Variants in VRK1 observed in about 807,000 individuals in gnomAD.
VRK1 encodes the protein serine/threonine-protein kinase VRK1.
VRK1 carries 33 observed loss-of-function variants against 57.1 expected under a neutral mutation model. That is an observed-to-expected ratio of 0.58 (90% CI 0.44 to 0.77). VRK1 has a LOEUF of 0.77. VRK1 is among the 30% of genes least tolerant of loss of function. The probability of loss-of-function intolerance (pLI) is 0.00; values close to 1 mark genes in which losing one functional copy is unlikely to be tolerated. For missense variants in VRK1, 413 were observed against 477.3 expected (o/e 0.87, Z 1.25); for synonymous variants, 137 against 147.8 (o/e 0.93, Z 0.53).
intron 12 of VRK1, chr14:96,877,309 A>G (rs1273879749): frequency 1.2e-5 from 4 of 326,472 alleles, no homozygotes; most frequent in Non-Finnish European, 2.4e-5. Flanking sequence ...TTCATTACAT[A>G]TTATGGTTAG....
chr14:96,812,563 G>A (rs752221063), intron 1 of VRK1, among the ~76,000 whole-genome samples: 1 of 152,132 alleles, frequency 6.6e-6, no homozygotes, highest in Non-Finnish European at 1.5e-5. Flanking sequence ...AGAAATGTCT[G>A]TCCAAATCCT....
chr14:96,848,867 G>A (rs1330390026), intron 5 of VRK1, among the ~76,000 whole-genome samples: 2 of 152,132 alleles, frequency 1.3e-5, no homozygotes, highest in African/African-American at 4.8e-5. Context: ...TCTCAAAGGG[G>A]TCTTTAATCG....
chr14:96,803,610 C>G (rs1885755069), intron 1 of VRK1, among the ~76,000 whole-genome samples: 1 of 151,616 alleles, frequency 6.6e-6, no homozygotes, highest in African/African-American at 2.4e-5. Context: ...GTTCGATACT[C>G]TCCATACTCT....
At chr14:96,856,690 C>A (rs749545908) in intron 10 of VRK1, 104 bp downstream of exon 10, 328 of 1,023,976 alleles carry the variant, frequency 3.2e-4, no homozygotes, top group Non-Finnish European at 4.7e-4. Context: ...AGGTGGTGGC[C>A]AGGCATGGTG....
chr14:96,870,516 TC>T (rs1325441048), intron 11 of VRK1, among the ~76,000 whole-genome samples: 1 of 152,168 alleles, frequency 6.6e-6, no homozygotes, highest in Non-Finnish European at 1.5e-5. Context: ...ATATTAGTCT[TC>T]TAGACCGTAG....
intron 1 of VRK1, among the ~76,000 whole-genome samples, chr14:96,803,186 T>TC (rs1555357567): frequency 0.015 from 2,231 of 147,106 alleles, 34 homozygotes; most frequent in Non-Finnish European, 0.023. Context: ...TTTTTTTTTT[T>TC]TTGAGGCAGG....
At position 96,831,818 on chromosome 14, in the gene VRK1, A is replaced by G. The variant is rs542237302; in HGVS notation, c.-5-1649A>G. ...CTGATGATTTGATAAAGTGGGTTGA[A>G]ATTCAGAAGGGCATCTGTTTTAATA... On this transcript the variant is annotated intron_variant, in intron 1 of 12. Coordinates refer to ENST00000216639, the MANE Select transcript of VRK1 (RefSeq NM_003384.3). Among the ~76,000 whole-genome samples the G allele has an allele frequency of 8.5e-5, 13 of 152,318 alleles. 1 individual carries two copies. The highest frequency in any genetic ancestry group is 3.1e-4 in the African/African-American group (13 of 41,572).
rs193252772 is a variant in VRK1 at position 96,880,036 on chromosome 14, A to C, written c.1160-1141A>C. 4.1e-3 allele frequency among the ~76,000 whole-genome samples: 624 copies of C among 152,248 alleles called. 5 individuals are homozygous for C. The highest frequency in any genetic ancestry group is 0.014 in the African/African-American group (598 of 41,558). ...CGTGTTACAGAAATTTAAGAAAAAA[A>C]CTCAAATTTTAGAATCAATCATAGT... On this transcript the variant is annotated intron_variant, in intron 12 of 12. Transcript: ENST00000216639.
intron 1 of VRK1, among the ~76,000 whole-genome samples, chr14:96,825,509 G>A (rs1334707130): frequency 6.6e-6 from 1 of 152,180 alleles, no homozygotes; most frequent in African/African-American, 2.4e-5. Flanking sequence ...TAACTACAAT[G>A]TATTGTGACT....
At chr14:96,860,078 T>C (rs1234276939) in intron 10 of VRK1, among the ~76,000 whole-genome samples, 1 of 152,142 alleles carries the variant, frequency 6.6e-6, no homozygotes, top group Non-Finnish European at 1.5e-5. Flanking sequence ...GAAAGCCAGA[T>C]CTTATTTCTT....
chr14:96,826,316 A>G (rs952821723), intron 1 of VRK1, among the ~76,000 whole-genome samples: 1 of 152,184 alleles, frequency 6.6e-6, no homozygotes, highest in Admixed American at 6.5e-5. Flanking sequence ...TATAGTTCCA[A>G]GCTTGCTTTG....
intron 3 of VRK1, among the ~76,000 whole-genome samples, chr14:96,838,110 C>T (rs1332870938): frequency 1.3e-5 from 2 of 152,028 alleles, no homozygotes; most frequent in Non-Finnish European, 2.9e-5. Context: ...ATTTCAGCTA[C>T]TTTTATGGAT....
chr14:96,838,537 G>A (rs1887313721), intron 3 of VRK1, among the ~76,000 whole-genome samples: 1 of 143,718 alleles, frequency 7.0e-6, no homozygotes, highest in African/African-American at 2.6e-5. Flanking sequence ...TATTATCTGG[G>A]CAAATTAACA....
At chr14:96,864,045 A>G (rs555631563) in intron 11 of VRK1, among the ~76,000 whole-genome samples, 5 of 152,354 alleles carry the variant, frequency 3.3e-5, no homozygotes, top group African/African-American at 1.2e-4. Context: ...TAATAAAGAT[A>G]AACTGTATTT....
intron 11 of VRK1, among the ~76,000 whole-genome samples, chr14:96,870,790 C>T (rs1888791665): frequency 1.3e-5 from 2 of 152,062 alleles, no homozygotes; most frequent in Admixed American, 1.3e-4. Context: ...CAAGGGTTAG[C>T]TTGTTTCACA....
intron 1 of VRK1, among the ~76,000 whole-genome samples, chr14:96,803,051 C>T (rs1188173740): frequency 6.6e-6 from 1 of 152,158 alleles, no homozygotes; most frequent in Non-Finnish European, 1.5e-5. Context: ...ACACTACCCA[C>T]CAGCTAGTTA....
At chr14:96,844,914 A>G (rs1456658047) in intron 3 of VRK1, among the ~76,000 whole-genome samples, 2 of 152,210 alleles carry the variant, frequency 1.3e-5, no homozygotes, top group Admixed American at 6.5e-5. Context: ...TAATTAGAGC[A>G]GAGAGTATGG....
At chr14:96,798,536 G>A (rs1885532566) in intron 1 of VRK1, among the ~76,000 whole-genome samples, 1 of 152,144 alleles carries the variant, frequency 6.6e-6, no homozygotes, top group Non-Finnish European at 1.5e-5. Context: ...AACTGTTGAA[G>A]AACTTCATTA....
At chr14:96,856,367 C>T (rs757820837) in intron 9 of VRK1, 117 bp downstream of exon 9, 94 of 1,409,666 alleles carry the variant, frequency 6.7e-5, no homozygotes, top group Middle Eastern at 2.1e-4. Flanking sequence ...TAAGAAAGTA[C>T]TTGTTAAACA....
Sources: gnomAD v4.1 joint callset for allele counts (sites outside exome capture counted in the v4.1 genomes callset) on GRCh38, gnomAD v4.1.1 for gene constraint, MANE v1.5 for transcripts, NCBI Gene and HGNC (gene_info 2026-07-23, HGNC 2026-07-21) for gene names.